Variants in SLC17A7 observed in about 807,000 individuals in gnomAD.
The protein encoded by SLC17A7 is vesicular glutamate transporter 1.
In SLC17A7, 15 loss-of-function variants were observed where a neutral mutation model predicts 59.1. That is an observed-to-expected ratio of 0.25 (90% confidence interval 0.17 to 0.39). The LOEUF is 0.39. Ranked by LOEUF, SLC17A7 falls within the 10% of genes least tolerant of loss-of-function variation. The pLI is 1.00. For synonymous variants in SLC17A7, 353 were observed against 308.9 expected (o/e 1.14, Z -1.50); for missense variants, 499 against 765.1 (o/e 0.65, Z 4.10).
At chr19:49,432,686 G>C (rs367721849) in intron 8 of SLC17A7, 35 bp from the exon 9 acceptor site, 1 of 1,605,382 alleles carries the variant, frequency 6.2e-7, no homozygotes, top group East Asian at 2.2e-5. Context: ...ACTAGGGTTC[G>C]GGGCCGCCGG....
chr19:49,435,563 G>A, intron 2 of SLC17A7: 1 of 351,614 alleles, frequency 2.8e-6, no homozygotes, highest in South Asian at 4.0e-5. Flanking sequence ...GAAAGCCTAG[G>A]GGCCCATGTA....
Position 49,430,821 on chromosome 19 carries a change from G to T in SLC17A7, c.1390-9C>A, listed in dbSNP as rs370021385. On this transcript the variant is annotated splice_polypyrimidine_tract_variant and intron_variant, in intron 11 of 11. Transcript: ENST00000221485. The stretch of plus-strand genomic sequence containing the variant: ...TGCCACTCCTCCCGAGTCTGCAGGG[G>T]ACAATAGGGCTGAGGTCAAATGGGA... The T allele has an allele frequency of 2.5e-6, 4 of 1,601,566 alleles. No individual in the cohort carries two copies. Among genetic ancestry groups the T allele is most frequent in the South Asian group, 1.1e-5 (1 of 89,068 alleles).
Position 49,433,634 on chromosome 19 carries a change from G to C in SLC17A7, c.867+92C>G, listed in dbSNP as rs761410496. On this transcript the variant is annotated intron_variant, in intron 7 of 11. Coordinates refer to ENST00000221485, the MANE Select transcript of SLC17A7 (RefSeq NM_020309.4). This position sits in a 1 kb window ranked among gnomAD's most constrained non-coding sequence, Gnocchi z 5.7. ...TTGCGTTCCAGTCCCGTCTCCTCTAGAGTCTGCAGGAACCGTCCCTGATCT... is the reference window on the plus strand; with the variant it reads ...TTGCGTTCCAGTCCCGTCTCCTCTACAGTCTGCAGGAACCGTCCCTGATCT... 3.1e-5 allele frequency: 48 copies of C among 1,550,152 alleles called. No homozygotes were observed. Among genetic ancestry groups the C allele is most frequent in the Non-Finnish European group, 3.9e-5 (44 of 1,135,202 alleles).
In SLC17A7 at chr19:49,431,584, G is replaced by C. The variant is rs1418012085; in HGVS notation, c.1151-136C>G. On this transcript the variant is annotated intron_variant, in intron 9 of 11. Transcript: ENST00000221485. This position sits in a 1 kb window ranked among gnomAD's most constrained non-coding sequence, Gnocchi z 4.6. ...CCCAGTCTGGCCACCTCCACGCCCA[G>C]GCCTCTTCGCGCCCTCCACGCCACC... is the stretch of plus-strand genomic sequence containing the variant. 1.5e-6 allele frequency: 1 copy of C among 682,930 alleles called. No homozygotes were observed. Among genetic ancestry groups the C allele is most frequent in the African/African-American group, 1.8e-5 (1 of 55,544 alleles). 42.3% of individuals were successfully genotyped at this position (682,930 alleles called of 1,614,324 possible). A position where few individuals can be genotyped will look rare whatever the true frequency, so the allele number is the denominator to read the frequency against.
In SLC17A7 at chr19:49,431,558, C is replaced by T; in HGVS notation, c.1151-110G>A. ...TCCAGCCCCAAACCGCGTCTATCCA[C>T]CCCAGTCTGGCCACCTCCACGCCCA... is the stretch of plus-strand genomic sequence containing the variant. On this transcript the variant is annotated intron_variant, in intron 9 of 11. Transcript: ENST00000221485. This position sits in a 1 kb window ranked among gnomAD's most constrained non-coding sequence, Gnocchi z 4.6. The T allele has an allele frequency of 1.1e-6, 1 of 878,226 alleles. No homozygotes were observed. Among genetic ancestry groups the T allele is most frequent in the Non-Finnish European group, 1.8e-6 (1 of 565,146 alleles). The allele number at this position is 878,226 out of a possible 1,614,324, so 54.4% of individuals were successfully genotyped here.
Position 49,433,588 on chromosome 19 carries a change from C to T in SLC17A7, c.867+138G>A, listed in dbSNP as rs776390896. 44 of 1,302,682 alleles carry T rather than the reference C, an allele frequency of 3.4e-5. No homozygotes were observed. Among genetic ancestry groups the T allele is most frequent in the Non-Finnish European group, 4.6e-5 (42 of 922,978 alleles). 80.7% of individuals were successfully genotyped at this position (1,302,682 alleles called of 1,614,324 possible). On this transcript the variant is annotated intron_variant, in intron 7 of 11. Transcript: ENST00000221485. This position sits in a 1 kb window ranked among gnomAD's most constrained non-coding sequence, Gnocchi z 5.7. Reference sequence around the variant, plus strand: ...GTCCTCCGCGGGTTGCAACCCGCCTCCTAGGTTCTAGCCCCTCTCTTTGCG... The same window carrying T: ...GTCCTCCGCGGGTTGCAACCCGCCTTCTAGGTTCTAGCCCCTCTCTTTGCG...
chr19:49,440,109 C>G (rs537238578), intron 1 of SLC17A7, among the ~76,000 whole-genome samples: 2 of 152,336 alleles, frequency 1.3e-5, no homozygotes, highest in East Asian at 1.9e-4. Flanking sequence ...CACCTCCCCC[C>G]ACTTCTGTCC....
Position 49,430,587 on chromosome 19 carries a change from G to C in SLC17A7, c.1615C>G (p.Pro539Ala). The part of the protein sequence containing the change: ...EPPGAPPAPP[P>A]SYGATHSTFQ... ...GTGCTGTGTGTGGCCCCATAGGAGG[G>C]CGGGGGTGCAGGGGGTGCCCCCGGG... is the stretch of plus-strand genomic sequence containing the variant. Residue 539 changes from proline to alanine, a missense_variant, in exon 12 of 12, where the codon CCC (proline) becomes GCC (alanine). Pro to Ala is a conservative substitution (Grantham distance 27, BLOSUM62 -1). Around this residue, in one of 3 missense-constraint regions of SLC17A7, gnomAD observed 98 missense variants for 77.5 expected, o/e 1.27. Coordinates refer to ENST00000221485, the MANE Select transcript of SLC17A7 (RefSeq NM_020309.4). 6.2e-7 allele frequency: 1 copy of C among 1,611,392 alleles called. No individual in the cohort carries two copies. The highest frequency in any genetic ancestry group is 8.5e-7 in the Non-Finnish European group (1 of 1,178,172).
Position 49,436,753 on chromosome 19 carries a change from C to G in SLC17A7, c.111G>C (p.Ala37=). 1 of 1,608,712 alleles carries G rather than the reference C, an allele frequency of 6.2e-7. No homozygotes were observed. The highest frequency in any genetic ancestry group is 1.1e-5 in the South Asian group (1 of 91,070). ...QEGAETLELS[A]DGRPVTTQTR... ...TCTGCGTGGTCACCGGGCGCCCATC[C>G]GCACTCAGCTCCAGCGTCTCCGCGC... The change falls in exon 2 of 12, where the codon GCG becomes GCC. Residue 37 remains alanine (A), a synonymous_variant. Transcript: ENST00000221485. This position sits in a 1 kb window ranked among gnomAD's most constrained non-coding sequence, Gnocchi z 4.1.
intron 1 of SLC17A7, 50 bp downstream of exon 1, chr19:49,441,268 A>T: frequency 6.3e-7 from 1 of 1,588,780 alleles, no homozygotes; most frequent in Non-Finnish European, 8.5e-7. Flanking sequence ...GGGAATTAGC[A>T]TCCTCCTCAG....
At chr19:49,440,720 G>C (rs756591227) in intron 1 of SLC17A7, among the ~76,000 whole-genome samples, 4 of 152,172 alleles carry the variant, frequency 2.6e-5, no homozygotes, top group Non-Finnish European at 5.9e-5. Context: ...ACAGAGAGAC[G>C]GAGAGACCCA....
In SLC17A7 at chr19:49,429,501, CCT is replaced by C. The variant is rs2078949736; in HGVS notation, c.*1016_*1017del. On this transcript the variant is annotated 3_prime_UTR_variant, in exon 12 of 12. Coordinates refer to ENST00000221485, the MANE Select transcript of SLC17A7 (RefSeq NM_020309.4). ...CAACCCTGCACTGGGAAAAAACACC[CCT>C]GGCTCCTGCCCCATTCCCTTTCATG... 2.5e-6 allele frequency: 1 copy of C among 399,064 alleles called. No homozygotes were observed. Among genetic ancestry groups the C allele is most frequent in the Admixed American group, 4.4e-5 (1 of 22,734 alleles). The allele number at this position is 399,064 out of a possible 1,614,324, so 24.7% of individuals were successfully genotyped here.
At position 49,434,810 on chromosome 19, in the gene SLC17A7, A is replaced by G. The variant is rs764814388; in HGVS notation, c.507T>C (p.Tyr169=). The G allele has an allele frequency of 1.7e-5, 27 of 1,614,224 alleles. No individual in the cohort carries two copies. Among genetic ancestry groups the G allele is most frequent in the South Asian group, 1.2e-4 (11 of 91,086 alleles). ...GGATCCTCACGAAGATGACACAGCCATAGTGGACGCGGGCAGCTGAGGGGA... is the reference window on the plus strand; with the variant it reads ...GGATCCTCACGAAGATGACACAGCCGTAGTGGACGCGGGCAGCTGAGGGGA... ...MLIPSAARVH[Y]GCVIFVRILQ... The change falls in exon 4 of 12, where the codon TAT becomes TAC. Residue 169 remains tyrosine, a synonymous_variant. Transcript: ENST00000221485.
intron 3 of SLC17A7, 133 bp downstream of exon 3, chr19:49,435,035 C>T: frequency 9.8e-7 from 1 of 1,022,290 alleles, no homozygotes; most frequent in South Asian, 1.4e-5. Flanking sequence ...CAAGCCCCAC[C>T]TTTCTCTAAG....
chr19:49,432,938 C>G lies in SLC17A7; in HGVS notation c.890G>C (p.Arg297Pro). The change falls in exon 8 of 12, where the codon CGC becomes CCC. Residue 297 changes from arginine (R) to proline (P), a missense_variant. Transcript: ENST00000221485. ...PLTKFSTPWR[R>P]FFTSMPVYAI... ...ATAGACTGGCATAGACGTGAAGAAG[C>G]GCCGCCAGGGAGTGCTAAACTTCTG... 1 of 1,607,434 alleles carries G rather than the reference C, an allele frequency of 6.2e-7. No homozygotes were observed. The highest frequency in any genetic ancestry group is 8.5e-7 in the Non-Finnish European group (1 of 1,177,214).
At chr19:49,439,341 C>A (rs530713918) in intron 1 of SLC17A7, among the ~76,000 whole-genome samples, 1 of 152,154 alleles carries the variant, frequency 6.6e-6, no homozygotes, top group African/African-American at 2.4e-5. Context: ...AGCAATGGGA[C>A]CTGATCCCTT....
chr19:49,430,935 C>A (rs2078956905), intron 11 of SLC17A7, 80 bp downstream of exon 11: 10 of 1,556,250 alleles, frequency 6.4e-6, no homozygotes, highest in Non-Finnish European at 8.7e-6. Context: ...GATGGCACCC[C>A]AGAGACAGTG....
intron 8 of SLC17A7, 55 bp downstream of exon 8, chr19:49,432,756 A>G: frequency 1.3e-6 from 2 of 1,594,460 alleles, no homozygotes; most frequent in Non-Finnish European, 1.7e-6. Flanking sequence ...GATCGCCGCC[A>G]GTTCCCTCCC....
At chr19:49,441,199 A>T in intron 1 of SLC17A7, 119 bp downstream of exon 1, 1 of 1,513,008 alleles carries the variant, frequency 6.6e-7, no homozygotes, top group Non-Finnish European at 8.8e-7. Context: ...AAAACTGGAC[A>T]GATGGGTGGA....
Sources: allele counts gnomAD v4.1 joint callset (sites outside exome capture counted in the v4.1 genomes callset), GRCh38; gene constraint gnomAD v4.1.1; regional missense constraint gnomAD v4.1.1; non-coding constraint Gnocchi (gnomAD v3.1); transcripts MANE v1.5; gene names NCBI Gene and HGNC (gene_info 2026-07-23, HGNC 2026-07-21).